Variants in HS3ST4 observed in about 807,000 individuals in gnomAD.
The protein encoded by HS3ST4 is heparan sulfate glucosamine 3-O-sulfotransferase 4.
Under a neutral mutation model 29.2 loss-of-function variants are expected in HS3ST4, and 17 were observed. That is an observed-to-expected ratio of 0.58 (90% CI 0.40 to 0.87). HS3ST4 has a LOEUF of 0.87. Ranked by LOEUF, HS3ST4 falls within the 40% of genes least tolerant of loss-of-function variation. The probability of loss-of-function intolerance (pLI) is 0.00; values close to 1 mark genes in which losing one functional copy is unlikely to be tolerated. For missense variants in HS3ST4, 627 were observed against 634.5 expected, an observed-to-expected ratio of 0.99 and a Z score of 0.13; for synonymous variants, 314 against 285.7, an observed-to-expected ratio of 1.10 and a Z score of -1.00.
intron 1 of HS3ST4, among the ~76,000 whole-genome samples, chr16:25,913,387 A>G (rs1006168100): frequency 6.6e-6 from 1 of 152,214 alleles, no homozygotes; most frequent in Non-Finnish European, 1.5e-5. Flanking sequence ...CCCTTCCACC[A>G]CCTGAGGACA....
At chr16:25,934,490 A>G (rs1410324258) in intron 1 of HS3ST4, among the ~76,000 whole-genome samples, 1 of 152,212 alleles carries the variant, frequency 6.6e-6, no homozygotes. Context: ...TTATCAGGAA[A>G]GGCAGCTTTG....
At chr16:25,971,266 C>T (rs948907717) in intron 1 of HS3ST4, among the ~76,000 whole-genome samples, 1 of 152,164 alleles carries the variant, frequency 6.6e-6, no homozygotes. Context: ...ATAAAGAAAA[C>T]AGTCACCTGC....
intron 1 of HS3ST4, among the ~76,000 whole-genome samples, chr16:25,985,014 G>A (rs1033410232): frequency 6.6e-6 from 1 of 152,186 alleles, no homozygotes; most frequent in Admixed American, 6.5e-5. Flanking sequence ...GCCATCTTAT[G>A]GTAGAAGTAG....
intron 1 of HS3ST4, among the ~76,000 whole-genome samples, chr16:25,883,817 A>C (rs977198495): frequency 1.3e-5 from 2 of 152,204 alleles, no homozygotes; most frequent in Non-Finnish European, 2.9e-5. Flanking sequence ...TAGTGATGCT[A>C]TTAAGAATCC....
At chr16:25,860,150 C>T (rs1967622048) in intron 1 of HS3ST4, among the ~76,000 whole-genome samples, 1 of 152,082 alleles carries the variant, frequency 6.6e-6, no homozygotes, top group Admixed American at 6.5e-5. Flanking sequence ...TCCCTGGTGC[C>T]AAAAAGGGTT....
chr16:25,982,810 A>C (rs62034493), intron 1 of HS3ST4, among the ~76,000 whole-genome samples: 8,448 of 152,282 alleles, frequency 0.055, 334 homozygotes, highest in Middle Eastern at 0.092. Context: ...AGCCAGGGCC[A>C]CAGAGCAAGA....
chr16:26,124,505 C>G (rs911553396), intron 1 of HS3ST4, among the ~76,000 whole-genome samples: 3 of 152,116 alleles, frequency 2.0e-5, no homozygotes, highest in African/African-American at 4.8e-5. Context: ...GCTCAGATCC[C>G]ATGAAGGAAA....
rs1967449782 is a variant in HS3ST4 at position 25,844,973 on chromosome 16, C to A, written c.734+151822C>A. On this transcript the variant is annotated intron_variant, in intron 1 of 1. Transcript: ENST00000331351. The stretch of plus-strand genomic sequence containing the variant: ...CAGAAACCCAAACACTGCATGTTCT[C>A]ACTTATAACTGGGAGCTGAACAATG... Among the ~76,000 whole-genome samples the A allele has an allele frequency of 2.6e-5, 4 of 151,946 alleles. No homozygotes were observed. In the South Asian group the frequency reaches 6.2e-4, roughly 24 times the overall value.
intron 1 of HS3ST4, among the ~76,000 whole-genome samples, chr16:26,104,373 A>G (rs1163172500): frequency 6.6e-6 from 1 of 152,164 alleles, no homozygotes; most frequent in Non-Finnish European, 1.5e-5. Context: ...TTTGTTGACA[A>G]AGGATAATAG....
At chr16:25,788,039 C>G (rs1966860167) in intron 1 of HS3ST4, among the ~76,000 whole-genome samples, 1 of 152,122 alleles carries the variant, frequency 6.6e-6, no homozygotes, top group African/African-American at 2.4e-5. Context: ...TCCCAACTTA[C>G]CACCTCAAGC....
chr16:25,805,370 G>A (rs998773900), intron 1 of HS3ST4, among the ~76,000 whole-genome samples: 1 of 152,152 alleles, frequency 6.6e-6, no homozygotes, highest in Non-Finnish European at 1.5e-5. Context: ...GTATTCTTTC[G>A]AAGGCATCTT....
At chr16:26,104,396 G>C (rs961520999) in intron 1 of HS3ST4, among the ~76,000 whole-genome samples, 13 of 152,142 alleles carry the variant, frequency 8.5e-5, no homozygotes, top group African/African-American at 3.1e-4. Context: ...CAGGGAGTTG[G>C]AGTTACTACT....
chr16:25,816,973 T>G (rs920578230), intron 1 of HS3ST4, among the ~76,000 whole-genome samples: 1 of 152,158 alleles, frequency 6.6e-6, no homozygotes, highest in Non-Finnish European at 1.5e-5. Flanking sequence ...GAGCCTTTAT[T>G]ATCCACACCT....
At chr16:25,730,871 T>A (rs1311657086) in intron 1 of HS3ST4, among the ~76,000 whole-genome samples, 1 of 152,154 alleles carries the variant, frequency 6.6e-6, no homozygotes, top group Non-Finnish European at 1.5e-5. Flanking sequence ...GTTCTGTGAT[T>A]TACCAGAAGG....
intron 1 of HS3ST4, among the ~76,000 whole-genome samples, chr16:26,101,584 C>T (rs1180158795): frequency 2.6e-5 from 4 of 152,204 alleles, no homozygotes; most frequent in Non-Finnish European, 5.9e-5. Context: ...TGTGTATTAA[C>T]AATCAGAATT....
At chr16:25,914,929 A>G (rs1968277597) in intron 1 of HS3ST4, among the ~76,000 whole-genome samples, 1 of 152,060 alleles carries the variant, frequency 6.6e-6, no homozygotes, top group Non-Finnish European at 1.5e-5. Flanking sequence ...TTAAAAAAAA[A>G]AGACACTCTC....
chr16:25,999,453 T>G (rs1244385012), intron 1 of HS3ST4, among the ~76,000 whole-genome samples: 1 of 152,112 alleles, frequency 6.6e-6, no homozygotes, highest in Non-Finnish European at 1.5e-5. Flanking sequence ...GATGCGCAGA[T>G]GTTTTTTCAG....
intron 1 of HS3ST4, among the ~76,000 whole-genome samples, chr16:25,812,041 C>T (rs1029891092): frequency 6.6e-6 from 1 of 151,938 alleles, no homozygotes; most frequent in African/African-American, 2.4e-5. Flanking sequence ...GCATATGTAC[C>T]ACGTTTTCTT....
At chr16:25,908,750 TCA>T (rs1334331389) in intron 1 of HS3ST4, among the ~76,000 whole-genome samples, 1 of 152,196 alleles carries the variant, frequency 6.6e-6, no homozygotes. Flanking sequence ...ATGTCAGGAA[TCA>T]CAGCGCAGAA....
Sources: allele counts gnomAD v4.1 joint callset (sites outside exome capture counted in the v4.1 genomes callset), GRCh38; gene constraint gnomAD v4.1.1; transcripts MANE v1.5; gene names NCBI Gene and HGNC (gene_info 2026-07-23, HGNC 2026-07-21).